TACR3: variants seen among roughly 807,000 people sequenced by gnomAD.
TACR3 encodes neuromedin-K receptor.
TACR3 carries 34 observed loss-of-function variants against 35.0 expected under a neutral mutation model. The observed-to-expected ratio is 0.97, with a 90% CI of 0.74 to 1.30. TACR3 has a LOEUF of 1.30. TACR3 is among the 50% of genes most tolerant of loss of function. TACR3 has a pLI of 0.00. For synonymous variants in TACR3, 233 were observed against 221.1 expected (o/e 1.05, Z -0.48); for missense variants, 558 against 591.7 (o/e 0.94, Z 0.59).
chr4:103,603,044 C>T (rs530376163), intron 3 of TACR3, among the ~76,000 whole-genome samples: 10 of 152,370 alleles, frequency 6.6e-5, no homozygotes, highest in East Asian at 1.9e-4. Context: ...CTGCCCAGTT[C>T]GAGCTTCCTG....
At chr4:103,668,887 T>C (rs1470564578) in intron 1 of TACR3, among the ~76,000 whole-genome samples, 2 of 151,584 alleles carry the variant, frequency 1.3e-5, no homozygotes, top group Non-Finnish European at 2.9e-5. Context: ...ATGAAGTATA[T>C]GTGATATTTT....
At chr4:103,702,539 T>C (rs1252845523) in intron 1 of TACR3, among the ~76,000 whole-genome samples, 1 of 152,138 alleles carries the variant, frequency 6.6e-6, no homozygotes, top group East Asian at 1.9e-4. Flanking sequence ...GACTCAGACA[T>C]CCTATTACTG....
At chr4:103,710,318 C>T (rs965682918) in intron 1 of TACR3, among the ~76,000 whole-genome samples, 1 of 152,186 alleles carries the variant, frequency 6.6e-6, no homozygotes, top group Non-Finnish European at 1.5e-5. Flanking sequence ...TCTCAGACCA[C>T]AGTGTAATCA....
chr4:103,713,504 G>A (rs1449728346), intron 1 of TACR3, among the ~76,000 whole-genome samples: 1 of 150,640 alleles, frequency 6.6e-6, no homozygotes. Context: ...GATAGCATTA[G>A]GAAATATACC....
At chr4:103,629,888 A>G (rs1475602799) in intron 3 of TACR3, among the ~76,000 whole-genome samples, 1 of 122,686 alleles carries the variant, frequency 8.2e-6, no homozygotes. Context: ...AAACAACAAC[A>G]ACAACAAAAA....
intron 1 of TACR3, among the ~76,000 whole-genome samples, chr4:103,716,402 G>T (rs563633145): frequency 6.6e-6 from 1 of 152,182 alleles, no homozygotes; most frequent in African/African-American, 2.4e-5. Context: ...AAGTTAATGT[G>T]CTTCAGAATA....
At chr4:103,677,187 A>G (rs187096150) in intron 1 of TACR3, among the ~76,000 whole-genome samples, 1 of 152,218 alleles carries the variant, frequency 6.6e-6, no homozygotes, top group East Asian at 1.9e-4. Flanking sequence ...CAGAATGTCT[A>G]TTATTAAAAA....
chr4:103,621,040 C>T (rs1451710878), intron 3 of TACR3, among the ~76,000 whole-genome samples: 6 of 152,260 alleles, frequency 3.9e-5, no homozygotes, highest in African/African-American at 1.2e-4. Flanking sequence ...TTTCTTGGAA[C>T]AGATAGCTAA....
At chr4:103,680,303 T>A (rs1726263091) in intron 1 of TACR3, among the ~76,000 whole-genome samples, 3 of 151,632 alleles carry the variant, frequency 2.0e-5, no homozygotes, top group Non-Finnish European at 4.4e-5. Context: ...TGGTGCTTAG[T>A]CTGTAGAAAT....
chr4:103,615,205 A>G (rs1428958332), intron 3 of TACR3, among the ~76,000 whole-genome samples: 1 of 152,036 alleles, frequency 6.6e-6, no homozygotes, highest in East Asian at 1.9e-4. Flanking sequence ...CTATGAATGT[A>G]TTTGTAAAGG....
chr4:103,635,384 T>C (rs1725162896), intron 3 of TACR3, among the ~76,000 whole-genome samples: 1 of 151,984 alleles, frequency 6.6e-6, no homozygotes, highest in African/African-American at 2.4e-5. Flanking sequence ...ACTTTCATTT[T>C]TGAGGGGAGA....
At chr4:103,663,749 C>A (rs185476612) in intron 1 of TACR3, among the ~76,000 whole-genome samples, 1 of 152,128 alleles carries the variant, frequency 6.6e-6, no homozygotes, top group Non-Finnish European at 1.5e-5. Flanking sequence ...ATTTGGAATT[C>A]GTTTGGGCAC....
chr4:103,624,815 ATAGGGT>A (rs1472734616), intron 3 of TACR3, among the ~76,000 whole-genome samples: 2 of 152,112 alleles, frequency 1.3e-5, no homozygotes, highest in Non-Finnish European at 2.9e-5. Flanking sequence ...TTTTTTCTGA[ATAGGGT>A]AACAGATGTG....
chr4:103,618,564 C>CTTTTTTTTTTTTTTTTTTTTTTT (rs57837921), intron 3 of TACR3, among the ~76,000 whole-genome samples: 3 of 61,444 alleles, frequency 4.9e-5, no homozygotes, highest in African/African-American at 2.7e-4. Context: ...GTGACTTGGG[C>CTTTTTTTTTTTTTTTTTTTTTTT]TTTTTTTTTT....
chr4:103,716,738 A>G (rs1723099107), intron 1 of TACR3, among the ~76,000 whole-genome samples: 1 of 152,192 alleles, frequency 6.6e-6, no homozygotes, highest in Admixed American at 6.5e-5. Context: ...GATTTTAGGC[A>G]CAGGAACAAA....
At chr4:103,687,240 C>T (rs543413738) in intron 1 of TACR3, among the ~76,000 whole-genome samples, 14 of 152,208 alleles carry the variant, frequency 9.2e-5, no homozygotes, top group Admixed American at 3.9e-4. Flanking sequence ...ATTGATGGGA[C>T]GTATCTCAAA....
intron 3 of TACR3, among the ~76,000 whole-genome samples, chr4:103,652,458 G>A (rs1725642598): frequency 6.6e-6 from 1 of 152,074 alleles, no homozygotes; most frequent in Non-Finnish European, 1.5e-5. Flanking sequence ...GATGGGATGG[G>A]GTGTCACTGG....
intron 3 of TACR3, among the ~76,000 whole-genome samples, chr4:103,602,824 T>TG (rs1309948732): frequency 6.6e-6 from 1 of 152,186 alleles, no homozygotes; most frequent in Non-Finnish European, 1.5e-5. Flanking sequence ...CCATTTAGGC[T>TG]ACTCGGGGGT....
At chr4:103,689,914 A>T (rs1305146149) in intron 1 of TACR3, among the ~76,000 whole-genome samples, 1 of 152,182 alleles carries the variant, frequency 6.6e-6, no homozygotes, top group African/African-American at 2.4e-5. Context: ...GGTGAAAGTG[A>T]AAGAAAAAGT....
Sources: allele counts gnomAD v4.1 joint callset (sites outside exome capture counted in the v4.1 genomes callset), GRCh38; gene constraint gnomAD v4.1.1; transcripts MANE v1.5; gene names NCBI Gene and HGNC (gene_info 2026-07-23, HGNC 2026-07-21).